The following PEX5 variants were observed in gnomAD, a reference collection of about 807,000 sequenced individuals.
The protein encoded by PEX5 is PTS1 receptor.
PEX5 carries 52 observed loss-of-function variants against 82.9 expected under a neutral mutation model. The ratio of observed to expected loss-of-function variants is 0.63; its 90% CI spans 0.50 to 0.79. PEX5 has a LOEUF of 0.79. Among genes scored for constraint, PEX5 ranks in the 30% least tolerant of loss-of-function variants. PEX5 has a pLI of 0.00. For synonymous variants in PEX5, 300 were observed against 318.8 expected (o/e 0.94, Z 0.63); for missense variants, 719 against 815.2 (o/e 0.88, Z 1.44).
At position 7,191,272 on chromosome 12, in the gene PEX5, G is replaced by A. The variant is rs780957318; in HGVS notation, c.230G>A (p.Arg77His). The change falls in exon 4 of 16, where the codon CGT becomes CAT. Residue 77 changes from arginine (R) to histidine (H), a missense_variant. By Grantham distance (29) the Arg-to-His change is conservative. Transcript: ENST00000675855. ...LQDQNAPLVSRAPQTFKMDDL... is the reference protein window; with the variant it reads ...LQDQNAPLVSHAPQTFKMDDL... ...GACCAGAATGCACCCCTTGTGTCCCGTGCCCCTCAGACCTTCAAGATGGAT... is the reference window on the plus strand; with the variant it reads ...GACCAGAATGCACCCCTTGTGTCCCATGCCCCTCAGACCTTCAAGATGGAT... 50 of 1,613,952 alleles carry A rather than the reference G, an allele frequency of 3.1e-5. No individual in the cohort carries two copies. The Admixed American group carries it at 6.0e-4, about 19-fold the overall frequency.
At chr12:7,215,726 A>G (rs1945758458), downstream of PEX5, among the ~76,000 whole-genome samples, 1 of 152,116 alleles carries the variant, frequency 6.6e-6, no homozygotes, top group Admixed American at 6.5e-5. Context: ...AACGGCAGAC[A>G]CTGCAGACTA....
At chr12:7,217,951 G>A (rs1022381105) in intron 17 of PEX5, among the ~76,000 whole-genome samples, 3 of 152,186 alleles carry the variant, frequency 2.0e-5, no homozygotes, top group Non-Finnish European at 4.4e-5. Context: ...AGCAAGAGAC[G>A]TGCAGTTTCA....
chr12:7,214,264 G>A (rs1028000368), downstream of PEX5, among the ~76,000 whole-genome samples: 8 of 150,388 alleles, frequency 5.3e-5, no homozygotes, highest in South Asian at 2.1e-4. Context: ...CTATAAAGAC[G>A]CACACGTATG....
rs2135906489 is a variant in PEX5, at chr12:7,191,720, A to G, written c.448+20A>G. ...TTACAGGTGAAACTTGTTATGGGAA[A>G]ATCTATATTGGCTTCTATGGGACAG... On this transcript the variant is annotated intron_variant, in intron 5 of 15. Coordinates refer to ENST00000675855, the MANE Select transcript of PEX5 (RefSeq NM_001351132.2). The G allele has an allele frequency of 3.1e-6, 5 of 1,610,066 alleles. No homozygotes were observed. Among genetic ancestry groups the G allele is most frequent in the Non-Finnish European group, 4.2e-6 (5 of 1,176,480 alleles).
downstream of PEX5, among the ~76,000 whole-genome samples, chr12:7,215,658 C>T (rs137963189): frequency 5.3e-5 from 8 of 152,296 alleles, no homozygotes; most frequent in Admixed American, 3.9e-4. Flanking sequence ...CCAAATACCA[C>T]AGATTCTCAC....
Position 7,190,475 on chromosome 12 carries a change from A to T in PEX5, c.98A>T (p.Glu33Val). ...HFTQDKALRQ[E>V]GLRPGPWPPG... ...ACCCAGGACAAGGCCCTTCGGCAGG[A>T]GGGATTGAGGCCTGGCCCCTGGCCC... Residue 33 changes from glutamate (E) to valine (V), a missense_variant, in exon 2 of 16, where the codon GAG (glutamate) becomes GTG (valine). By Grantham distance (121) the Glu-to-Val change is moderately radical (BLOSUM62 -2). Transcript: ENST00000675855. 1 of 1,613,794 alleles carries T rather than the reference A, an allele frequency of 6.2e-7. No homozygotes were observed. Among genetic ancestry groups the T allele is most frequent in the East Asian group, 2.2e-5 (1 of 44,798 alleles).
rs758020165 is a variant in PEX5, at chr12:7,191,739, G to A, written c.448+39G>A. 4 of 1,591,932 alleles carry A rather than the reference G, an allele frequency of 2.5e-6. No homozygotes were observed. In the African/African-American group the frequency reaches 5.4e-5, roughly 21 times the overall value. On this transcript the variant is annotated intron_variant, in intron 5 of 15. Transcript: ENST00000675855. Reference sequence around the variant, plus strand: ...TGGGAAAATCTATATTGGCTTCTATGGGACAGAATTCTATACCCTTCCCCT... The same window carrying A: ...TGGGAAAATCTATATTGGCTTCTATAGGACAGAATTCTATACCCTTCCCCT...
intron 17 of PEX5, among the ~76,000 whole-genome samples, chr12:7,216,504 A>G (rs1462058408): frequency 6.6e-6 from 1 of 152,256 alleles, no homozygotes; most frequent in African/African-American, 2.4e-5. Flanking sequence ...TTGTATGTCC[A>G]AAGTTCACAA....
chr12:7,214,566 T>G (rs1413246031), downstream of PEX5, among the ~76,000 whole-genome samples: 1 of 78,928 alleles, frequency 1.3e-5, no homozygotes, highest in Non-Finnish European at 2.3e-5. Context: ...GGGACTGTTG[T>G]GGGGTGGGGG....
rs1291154997 is a variant in PEX5, at chr12:7,191,600, G to A, written c.348G>A (p.Glu116=). 1.9e-6 allele frequency: 3 copies of A among 1,613,960 alleles called. No individual in the cohort carries two copies. Among genetic ancestry groups the A allele is most frequent in the South Asian group, 2.2e-5 (2 of 91,070 alleles). Residue 116 remains glutamate (E), a synonymous_variant, in exon 5 of 16, where the codon GAG becomes GAA. Transcript: ENST00000675855. ...APGVADLALS[E]NWAQEFLAAG... ...GTGTGGCAGACTTGGCCTTGTCTGA[G>A]AACTGGGCCCAGGAGTTTCTTGCAG...
chr12:7,210,314 C>T lies in PEX5; in HGVS notation c.*91C>T, dbSNP rs776426585. 116 of 1,245,938 alleles carry T rather than the reference C, an allele frequency of 9.3e-5. No homozygotes were observed. The highest frequency in any genetic ancestry group is 1.3e-4 in the Non-Finnish European group (107 of 855,408). 77.2% of individuals were successfully genotyped at this position (1,245,938 alleles called of 1,614,324 possible). On this transcript the variant is annotated 3_prime_UTR_variant, in exon 16 of 16. Coordinates refer to ENST00000675855, the MANE Select transcript of PEX5 (RefSeq NM_001351132.2). ...TCCCCAAATGGGCCTACCAAGGGGG[C>T]GGGCTGATGACCATAAGCGGTACGG...
At chr12:7,204,590 A>G (rs773566549) in intron 10 of PEX5, among the ~76,000 whole-genome samples, 2 of 152,242 alleles carry the variant, frequency 1.3e-5, no homozygotes, top group Non-Finnish European at 2.9e-5. Context: ...TTCATTGTAT[A>G]TAATTTTGAT....
Position 7,203,493 on chromosome 12 carries a change from C to T in PEX5, c.908C>T (p.Ala303Val). 2 of 1,613,898 alleles carry T rather than the reference C, an allele frequency of 1.2e-6. No individual in the cohort carries two copies. Among genetic ancestry groups the T allele is most frequent in the Non-Finnish European group, 1.7e-6 (2 of 1,179,888 alleles). ...TTGGAGGAGATGGCAAAACGGGATGCTGAGGCCCACCCCTGGCTTTCTGAC... is the reference window on the plus strand; with the variant it reads ...TTGGAGGAGATGGCAAAACGGGATGTTGAGGCCCACCCCTGGCTTTCTGAC... ...AELEEMAKRD[A>V]EAHPWLSDYD... is the part of the protein sequence containing the mutation. Residue 303 changes from alanine (A) to valine (V), a missense_variant, in exon 10 of 16, where the codon GCT (alanine) becomes GTT (valine). Physicochemically the swap from Ala to Val is moderately conservative, Grantham distance 64. Coordinates refer to ENST00000675855, the MANE Select transcript of PEX5 (RefSeq NM_001351132.2).
In PEX5 at chr12:7,196,423, TTA is replaced by T. The variant is rs1268256940; in HGVS notation, c.449-2584_449-2583del. Among the ~76,000 whole-genome samples, 9 of 139,070 alleles carry T rather than the reference TTA, an allele frequency of 6.5e-5. No homozygotes were observed. The East Asian group carries it at 1.0e-3, about 16-fold the overall frequency. 91.2% of individuals were successfully genotyped at this position (139,070 alleles called of 152,430 possible). On this transcript the variant is annotated intron_variant, in intron 5 of 15. Transcript: ENST00000675855. Reference sequence around the variant, plus strand: ...ATATGTGTCATATATAATGTAATAATTATATGTGCCATATATAATGTAATAAT... The same window carrying T: ...ATATGTGTCATATATAATGTAATAATTATGTGCCATATATAATGTAATAAT...
At position 7,208,585 on chromosome 12, in the gene PEX5, C is replaced by T; in HGVS notation, c.1310C>T (p.Ala437Val). 1.2e-6 allele frequency: 2 copies of T among 1,614,010 alleles called. No individual in the cohort carries two copies. The highest frequency in any genetic ancestry group is 1.7e-6 in the Non-Finnish European group (2 of 1,179,874). ...RDWLRYTPAY[A>V]HLVTPAEEGA... Reference sequence around the variant, plus strand: ...TGGCTGCGGTACACACCAGCCTATGCCCATCTGGTGACACCTGCTGAAGAA... The same window carrying T: ...TGGCTGCGGTACACACCAGCCTATGTCCATCTGGTGACACCTGCTGAAGAA... Residue 437 changes from alanine (A) to valine (V), a missense_variant, in exon 13 of 16, where the codon GCC becomes GTC. Transcript: ENST00000675855.
At chr12:7,198,547 GCTC>G (rs1189922879) in intron 5 of PEX5, among the ~76,000 whole-genome samples, 1 of 152,052 alleles carries the variant, frequency 6.6e-6, no homozygotes, top group South Asian at 2.1e-4. Flanking sequence ...ATGAAATAAG[GCTC>G]CTTTGGCCGG....
chr12:7,206,073 G>C (rs761128421), intron 10 of PEX5, among the ~76,000 whole-genome samples: 1 of 152,308 alleles, frequency 6.6e-6, no homozygotes, highest in South Asian at 2.1e-4. Flanking sequence ...GTTTTCTGTA[G>C]AGTGGCTTAA....
chr12:7,189,905 GA>G, intron 1 of PEX5, 155 bp downstream of exon 1: 1 of 1,424,408 alleles, frequency 7.0e-7, no homozygotes, highest in Non-Finnish European at 9.1e-7. Context: ...CGAGCCGGGG[GA>G]AGGGCTCCGG....
rs1490893925 is a variant in PEX5, at chr12:7,209,178, C to T, written c.1560+8C>T. ...CTCAGCGTTCGTCCCAATGTGAGCC[C>T]AGGGGAGGAATGGAAATGGGACATG... On this transcript the variant is annotated splice_region_variant and intron_variant, in intron 14 of 15. Coordinates refer to ENST00000675855, the MANE Select transcript of PEX5 (RefSeq NM_001351132.2). 1 of 1,613,228 alleles carries T rather than the reference C, an allele frequency of 6.2e-7. No individual in the cohort carries two copies. Among genetic ancestry groups the T allele is most frequent in the Non-Finnish European group, 8.5e-7 (1 of 1,179,656 alleles).
Sources: gnomAD v4.1 joint callset for allele counts (sites outside exome capture counted in the v4.1 genomes callset) on GRCh38, gnomAD v4.1.1 for gene constraint, MANE v1.5 for transcripts, NCBI Gene and HGNC (gene_info 2026-07-23, HGNC 2026-07-21) for gene names.